USP33: variants seen among roughly 807,000 people sequenced by gnomAD.
The protein encoded by USP33 is ubiquitin carboxyl-terminal hydrolase 33.
USP33 carries 46 observed loss-of-function variants against 124.2 expected under a neutral mutation model. The ratio of observed to expected loss-of-function variants is 0.37; its 90% CI spans 0.29 to 0.47. The LOEUF is 0.47. Ranked by LOEUF, USP33 falls within the 20% of genes least tolerant of loss-of-function variation. The probability of loss-of-function intolerance (pLI) is 0.99; values close to 1 mark genes in which losing one functional copy is unlikely to be tolerated. For synonymous variants in USP33, 350 were observed against 352.3 expected, an observed-to-expected ratio of 0.99 and a Z score of 0.07; for missense variants, 851 against 1,070.6, an observed-to-expected ratio of 0.79 and a Z score of 2.86.
At chr1:77,717,039 GT>G (rs1675996084) in intron 17 of USP33, among the ~76,000 whole-genome samples, 1 of 151,606 alleles carries the variant, frequency 6.6e-6, no homozygotes, top group South Asian at 2.1e-4. Flanking sequence ...CTAATTTTTT[GT>G]ATTTTTAGTA....
intron 8 of USP33, 100 bp from the exon 9 acceptor site, chr1:77,730,038 G>T: frequency 8.9e-7 from 1 of 1,124,250 alleles, no homozygotes; most frequent in Non-Finnish European, 1.3e-6. Flanking sequence ...AAATTGAAAA[G>T]TATGTTTCAA....
intron 1 of USP33, among the ~76,000 whole-genome samples, chr1:77,749,717 G>C (rs1680109805): frequency 6.6e-6 from 1 of 152,030 alleles, no homozygotes; most frequent in Admixed American, 6.6e-5. Flanking sequence ...GATGAGTACT[G>C]AGCGCTTTGT....
At chr1:77,744,113 A>G (rs1557865684) in intron 1 of USP33, among the ~76,000 whole-genome samples, 4 of 138,238 alleles carry the variant, frequency 2.9e-5, no homozygotes, top group African/African-American at 1.2e-4. Flanking sequence ...ACAGAGCAAG[A>G]CTCTGTCTCA....
intron 1 of USP33, among the ~76,000 whole-genome samples, chr1:77,742,363 T>C (rs1371053328): frequency 6.6e-6 from 1 of 152,200 alleles, no homozygotes; most frequent in African/African-American, 2.4e-5. Flanking sequence ...TTTGGCAACA[T>C]TCCCACTTCT....
chr1:77,713,113 A>G lies in USP33; in HGVS notation c.2297+87T>C, dbSNP rs1048694360. ...AGGGAAAAGAATAAACACATAGCAC[A>G]AGGAGCATCTCTGAAATAATCCAAA... On this transcript the variant is annotated intron_variant, in intron 20 of 23. Transcript: ENST00000370794. The G allele has an allele frequency of 4.3e-5, 46 of 1,063,680 alleles. No homozygotes were observed. In the African/African-American group the frequency reaches 7.2e-4, roughly 17 times the overall value. The allele number at this position is 1,063,680 out of a possible 1,614,324, so 65.9% of individuals were successfully genotyped here.
intron 4 of USP33, among the ~76,000 whole-genome samples, chr1:77,739,975 T>A (rs976173081): frequency 1.3e-5 from 2 of 152,158 alleles, no homozygotes; most frequent in Non-Finnish European, 2.9e-5. Context: ...AAGAGGCAAA[T>A]GATATACAAT....
In USP33 at chr1:77,759,837, T is replaced by G; in HGVS notation, c.-246A>C. ...GGCCACTTCCCGCAGCAGCCGCGGC[T>G]CCTTCCGGTGTCTCCGGGGCCGCCG... On this transcript the variant is annotated 5_prime_UTR_variant, in exon 1 of 24. Transcript: ENST00000370794. 2.5e-6 allele frequency: 1 copy of G among 396,220 alleles called. No individual in the cohort carries two copies. The highest frequency in any genetic ancestry group is 4.4e-6 in the Non-Finnish European group (1 of 224,742). 24.5% of individuals were successfully genotyped at this position (396,220 alleles called of 1,614,324 possible).
At chr1:77,735,696 T>C (rs1678361976) in intron 6 of USP33, among the ~76,000 whole-genome samples, 2 of 152,194 alleles carry the variant, frequency 1.3e-5, no homozygotes, top group South Asian at 4.1e-4. Flanking sequence ...CCTGATTCTT[T>C]TTCCAAATGT....
chr1:77,697,820 C>A (rs1157736616), intron 23 of USP33, 43 bp downstream of exon 23: 2 of 1,522,200 alleles, frequency 1.3e-6, no homozygotes, highest in East Asian at 4.5e-5. Flanking sequence ...CTAACAGTGA[C>A]AAATCACTCA....
intron 1 of USP33, among the ~76,000 whole-genome samples, chr1:77,757,548 G>A (rs1680912895): frequency 6.6e-6 from 1 of 151,758 alleles, no homozygotes; most frequent in African/African-American, 2.4e-5. Flanking sequence ...CACTTTTAAA[G>A]TTTAAAAACT....
chr1:77,725,624 T>C lies in USP33; in HGVS notation c.1274A>G (p.Lys425Arg), dbSNP rs1270016231. 1.2e-6 allele frequency: 2 copies of C among 1,613,998 alleles called. No homozygotes were observed. The highest frequency in any genetic ancestry group is 2.2e-5 in the South Asian group (2 of 91,024). The change falls in exon 11 of 24, where the codon AAA becomes AGA. Residue 425 changes from lysine to arginine, a missense_variant and splice_region_variant. Lys to Arg is a conservative substitution (Grantham distance 26). Around this residue, in one of 4 missense-constraint regions of USP33, gnomAD observed 207 missense variants for 200.9 expected, o/e 1.03. Coordinates refer to ENST00000370794, the MANE Select transcript of USP33 (RefSeq NM_201624.3). ...LWPGLAPPHK[K>R]AQSASPKRKK... is the part of the protein sequence containing the mutation. Reference sequence around the variant, plus strand: ...ACTGAATAAGAGAAACGTTTTACCTTTTTTGTGTGGTGGTGCCAATCCTGG... The same window carrying C: ...ACTGAATAAGAGAAACGTTTTACCTCTTTTGTGTGGTGGTGCCAATCCTGG...
chr1:77,703,024 A>G (rs558842557), intron 21 of USP33, among the ~76,000 whole-genome samples: 2 of 152,252 alleles, frequency 1.3e-5, no homozygotes, highest in Middle Eastern at 6.8e-3. Context: ...TTCAGATTAT[A>G]TAATTCCTCT....
chr1:77,730,722 CA>C lies in USP33; in HGVS notation c.533del (p.Leu178Ter). The C allele has an allele frequency of 1.3e-6, 2 of 1,567,440 alleles. No homozygotes were observed. The highest frequency in any genetic ancestry group is 1.2e-5 in the South Asian group (1 of 83,048). On this transcript the variant is annotated frameshift_variant, in exon 8 of 24. Transcript: ENST00000370794. LOFTEE classifies it high-confidence loss of function. ...ALQALSNCPP[L>X]TQFFLDCGGL... ...CTCCACAATCAAGAAAAAACTGTGT[CA>C]AAGGTGGGCTAATTTTAAAAAGAGA...
intron 10 of USP33, among the ~76,000 whole-genome samples, chr1:77,726,012 C>T (rs192857806): frequency 1.2e-4 from 18 of 152,284 alleles, no homozygotes; most frequent in Non-Finnish European, 7.4e-5. Context: ...TGCAGAGGTG[C>T]GATCTCAGCT....
intron 21 of USP33, among the ~76,000 whole-genome samples, chr1:77,705,711 T>G (rs1234321619): frequency 6.6e-6 from 1 of 152,114 alleles, no homozygotes; most frequent in African/African-American, 2.4e-5. Flanking sequence ...CCTCCCACTC[T>G]TCGTATGGAC....
intron 21 of USP33, among the ~76,000 whole-genome samples, chr1:77,704,047 C>T (rs191128774): frequency 6.6e-6 from 1 of 151,154 alleles, no homozygotes; most frequent in Admixed American, 6.6e-5. Flanking sequence ...CGTGGGAGAT[C>T]GAGGCTGCAG....
At chr1:77,725,468 C>A (rs996194785) in intron 11 of USP33, among the ~76,000 whole-genome samples, 154 bp downstream of exon 11, 1 of 152,080 alleles carries the variant, frequency 6.6e-6, no homozygotes, top group Non-Finnish European at 1.5e-5. Flanking sequence ...TACCAACACA[C>A]AAAATTTTTA....
intron 14 of USP33, 196 bp from the exon 15 acceptor site, chr1:77,721,401 C>T (rs974393570): frequency 1.0e-5 from 6 of 599,928 alleles, no homozygotes; most frequent in Admixed American, 3.2e-5. Flanking sequence ...TGAAGACCTA[C>T]CTCAAATAAT....
At chr1:77,718,853 C>T (rs1214595044) in intron 15 of USP33, 8 of 434,656 alleles carry the variant, frequency 1.8e-5, no homozygotes, top group African/African-American at 1.0e-4. Flanking sequence ...CACTTGAACC[C>T]GGGACACGGA....
Sources: gnomAD v4.1 joint callset for allele counts (sites outside exome capture counted in the v4.1 genomes callset) on GRCh38, gnomAD v4.1.1 for gene constraint, gnomAD v4.1.1 regional missense constraint, MANE v1.5 for transcripts, NCBI Gene and HGNC (gene_info 2026-07-23, HGNC 2026-07-21) for gene names.